The following EHMT1 variants were observed in gnomAD, a reference collection of about 807,000 sequenced individuals.
The protein encoded by EHMT1 is histone-lysine N-methyltransferase EHMT1.
In EHMT1, 15 loss-of-function variants were observed where a neutral mutation model predicts 147.2. The observed-to-expected ratio is 0.10, with a 90% CI of 0.07 to 0.16. EHMT1 has a LOEUF of 0.16. Ranked by LOEUF, EHMT1 falls within the 10% of genes least tolerant of loss-of-function variation. The pLI is 1.00. For synonymous variants in EHMT1, 795 were observed against 709.6 expected, an observed-to-expected ratio of 1.12 and a Z score of -1.91; for missense variants, 1,587 against 1,772.4, an observed-to-expected ratio of 0.90 and a Z score of 1.88.
At chr9:137,636,065 G>A (rs1205749451) in intron 1 of EHMT1, among the ~76,000 whole-genome samples, 1 of 151,452 alleles carries the variant, frequency 6.6e-6, no homozygotes, top group African/African-American at 2.4e-5. Flanking sequence ...GGGATTACAG[G>A]TGCATGCCAC....
At chr9:137,757,090 A>T (rs1949432906) in intron 8 of EHMT1, among the ~76,000 whole-genome samples, 1 of 152,244 alleles carries the variant, frequency 6.6e-6, no homozygotes, top group Admixed American at 6.5e-5. Context: ...ACACTTTCAT[A>T]GGCCTCCTCA....
At chr9:137,762,888 C>T in intron 10 of EHMT1, 68 bp downstream of exon 10, 2 of 1,602,668 alleles carry the variant, frequency 1.2e-6, no homozygotes, top group African/African-American at 1.3e-5. Context: ...CCAGCAGGGG[C>T]CCCGACAGCC....
At position 137,776,500 on chromosome 9, in the gene EHMT1, C is replaced by T; in HGVS notation, c.1792-118C>T. ...GCCAAGACTGGACCCCACCCCGACC[C>T]ATGGCTCACTCTGCAGACCGCCCGA... On this transcript the variant is annotated intron_variant, in intron 11 of 26. Transcript: ENST00000460843. This position sits in a 1 kb window ranked among gnomAD's most constrained non-coding sequence, Gnocchi z 4.4. 3 of 991,238 alleles carry T rather than the reference C, an allele frequency of 3.0e-6. No homozygotes were observed. The highest frequency in any genetic ancestry group is 3.1e-6 in the Non-Finnish European group (2 of 647,942). 61.4% of individuals were successfully genotyped at this position (991,238 alleles called of 1,614,324 possible). A position where few individuals can be genotyped will look rare whatever the true frequency, so the allele number is the denominator to read the frequency against.
intron 13 of EHMT1, among the ~76,000 whole-genome samples, chr9:137,778,619 C>T (rs900758175): frequency 1.3e-5 from 2 of 152,236 alleles, no homozygotes; most frequent in Non-Finnish European, 2.9e-5. Flanking sequence ...GTACCATCTG[C>T]TGACGCCAAC....
chr9:137,662,828 C>T (rs1453743761), intron 1 of EHMT1, among the ~76,000 whole-genome samples: 1 of 151,096 alleles, frequency 6.6e-6, no homozygotes, highest in African/African-American at 2.4e-5. Context: ...GAGTCTTGCT[C>T]TGTCACCCAG....
intron 1 of EHMT1, among the ~76,000 whole-genome samples, chr9:137,626,705 T>G (rs1843282149): frequency 6.6e-6 from 1 of 152,110 alleles, no homozygotes; most frequent in Non-Finnish European, 1.5e-5. Context: ...GAAAGCTGAG[T>G]GCTGGGGGCT....
chr9:137,796,994 T>TA (rs1953016758), intron 16 of EHMT1, among the ~76,000 whole-genome samples: 1 of 152,146 alleles, frequency 6.6e-6, no homozygotes, highest in African/African-American at 2.4e-5. Flanking sequence ...CTGCAGGTGA[T>TA]ATACACTGTG....
chr9:137,805,878 G>T (rs1393646230), intron 18 of EHMT1, among the ~76,000 whole-genome samples: 2 of 151,034 alleles, frequency 1.3e-5, no homozygotes, highest in African/African-American at 4.9e-5. Context: ...GGTCAGGCTG[G>T]TCTCAAACTC....
At chr9:137,757,490 G>A (rs1035220987) in intron 8 of EHMT1, among the ~76,000 whole-genome samples, 42 of 152,206 alleles carry the variant, frequency 2.8e-4, no homozygotes, top group Admixed American at 1.3e-4. Context: ...CTGCAAGTTA[G>A]ATTTTTCTGT....
At chr9:137,686,724 T>C (rs1942470623) in intron 1 of EHMT1, among the ~76,000 whole-genome samples, 4 of 139,036 alleles carry the variant, frequency 2.9e-5, no homozygotes, top group Middle Eastern at 3.5e-3. Context: ...TCCAACCTCA[T>C]TCTTTCTTTT....
chr9:137,643,192 C>G (rs1035105207), intron 1 of EHMT1, among the ~76,000 whole-genome samples: 3 of 151,036 alleles, frequency 2.0e-5, no homozygotes, highest in African/African-American at 7.3e-5. Context: ...CCTTGGTGCT[C>G]TCTATTCATG....
At chr9:137,739,964 C>G (rs1466084277) in intron 4 of EHMT1, among the ~76,000 whole-genome samples, 2 of 152,302 alleles carry the variant, frequency 1.3e-5, no homozygotes, top group East Asian at 3.9e-4. Context: ...GGGCCCTGCT[C>G]TATGTGACCT....
rs1952428238 is a variant in EHMT1, at chr9:137,790,282, C to T, written c.2383-566C>T. 2.0e-5 allele frequency among the ~76,000 whole-genome samples: 3 copies of T among 152,146 alleles called. 1 individual carries two copies. In the South Asian group the frequency reaches 6.2e-4, roughly 31 times the overall value. ...CAGCTGATTGGCTTTTAGCACACAA[C>T]CAATTTTAAAGTCGAGGGCTTCTTA... On this transcript the variant is annotated intron_variant, in intron 15 of 26. Transcript: ENST00000460843.
At chr9:137,721,668 C>A (rs986933838) in intron 3 of EHMT1, among the ~76,000 whole-genome samples, 1 of 151,574 alleles carries the variant, frequency 6.6e-6, no homozygotes, top group Non-Finnish European at 1.5e-5. Context: ...ACGCCTCTCA[C>A]GCTCATCCCC....
rs1024497871 is a variant in EHMT1 at position 137,826,125 on chromosome 9, G to A, written c.3540+7987G>A. Among the ~76,000 whole-genome samples, 15 of 145,270 alleles carry A rather than the reference G, an allele frequency of 1.0e-4. No homozygotes were observed. In the Admixed American group the frequency reaches 1.1e-3, roughly 10 times the overall value. ...CCATGTGGCGTCAGTGCTGTGTTGT[G>A]TGGTCAGTCTGGGTCCATAGGGGGT... is the stretch of plus-strand genomic sequence containing the variant. On this transcript the variant is annotated intron_variant, in intron 25 of 26. Coordinates refer to ENST00000460843, the MANE Select transcript of EHMT1 (RefSeq NM_024757.5).
chr9:137,805,837 A>G (rs965530799), intron 18 of EHMT1, among the ~76,000 whole-genome samples: 26 of 150,758 alleles, frequency 1.7e-4, no homozygotes, highest in Non-Finnish European at 3.5e-4. Context: ...TAATTTTTGT[A>G]TTTTTAGTAG....
chr9:137,781,094 A>G (rs1951453199), intron 14 of EHMT1, among the ~76,000 whole-genome samples: 1 of 78,298 alleles, frequency 1.3e-5, no homozygotes, highest in Admixed American at 1.1e-4. Context: ...TGACGCTGGG[A>G]TGTGTGGTGA....
At chr9:137,795,452 GAC>G (rs1469117761) in intron 16 of EHMT1, among the ~76,000 whole-genome samples, 1 of 56,676 alleles carries the variant, frequency 1.8e-5, no homozygotes, top group African/African-American at 5.9e-5. Flanking sequence ...TACACACACA[GAC>G]ACACACACAT....
intron 1 of EHMT1, among the ~76,000 whole-genome samples, chr9:137,639,975 C>T (rs1844364650): frequency 6.6e-6 from 1 of 152,166 alleles, no homozygotes; most frequent in Non-Finnish European, 1.5e-5. Flanking sequence ...GCTCTTGTTG[C>T]CCAGGCTGGA....
Sources: gnomAD v4.1 joint callset for allele counts (sites outside exome capture counted in the v4.1 genomes callset) on GRCh38, gnomAD v4.1.1 for gene constraint, Gnocchi (gnomAD v3.1) non-coding constraint, MANE v1.5 for transcripts, NCBI Gene and HGNC (gene_info 2026-07-23, HGNC 2026-07-21) for gene names.